SPICE1: variants seen among roughly 807,000 people sequenced by gnomAD.
The protein encoded by SPICE1 is spindle and centriole associated protein 1, also known as spindle and centriole-associated protein 1.
In SPICE1, 75 loss-of-function variants were observed where a neutral mutation model predicts 102.7. The ratio of observed to expected loss-of-function variants is 0.73; its 90% CI spans 0.61 to 0.88. SPICE1 has a LOEUF of 0.88. Among genes scored for constraint, SPICE1 ranks in the 40% least tolerant of loss-of-function variants. The probability of loss-of-function intolerance (pLI) is 0.00; values close to 1 mark genes in which losing one functional copy is unlikely to be tolerated. For synonymous variants in SPICE1, 308 were observed against 350.3 expected (o/e 0.88, Z 1.35); for missense variants, 979 against 1,020.1 (o/e 0.96, Z 0.55).
At chr3:113,477,680 G>T (rs1019674066) in intron 7 of SPICE1, among the ~76,000 whole-genome samples, 1 of 150,952 alleles carries the variant, frequency 6.6e-6, no homozygotes, top group Non-Finnish European at 1.5e-5. Flanking sequence ...GTAAACTATT[G>T]CAAGGACAAA....
intron 7 of SPICE1, among the ~76,000 whole-genome samples, chr3:113,482,755 T>C (rs1936542370): frequency 6.6e-6 from 1 of 152,220 alleles, no homozygotes; most frequent in Non-Finnish European, 1.5e-5. Flanking sequence ...TTCTGTTCCA[T>C]TGGTCTACAT....
At chr3:113,494,418 C>T (rs1037988977) in intron 4 of SPICE1, among the ~76,000 whole-genome samples, 2 of 152,020 alleles carry the variant, frequency 1.3e-5, no homozygotes, top group East Asian at 3.9e-4. Context: ...GAGGCCGAGG[C>T]GGGCGGATCA....
chr3:113,478,633 G>A (rs1200383645), intron 7 of SPICE1, among the ~76,000 whole-genome samples: 1 of 152,078 alleles, frequency 6.6e-6, no homozygotes, highest in Non-Finnish European at 1.5e-5. Flanking sequence ...AAAATGCAAA[G>A]AGAAATAGAA....
At chr3:113,465,810 C>T in intron 10 of SPICE1, 26 bp from the exon 11 acceptor site, 2 of 1,602,262 alleles carry the variant, frequency 1.2e-6, no homozygotes, top group Non-Finnish European at 1.7e-6. Flanking sequence ...AAATAAACTT[C>T]CACCAATAGC....
intron 3 of SPICE1, among the ~76,000 whole-genome samples, chr3:113,500,212 A>G (rs1285700957): frequency 1.3e-5 from 2 of 152,168 alleles, no homozygotes; most frequent in African/African-American, 2.4e-5. Context: ...TGGGTTCACT[A>G]AGGTTCACTA....
chr3:113,460,146 T>C, intron 12 of SPICE1: 1 of 985,464 alleles, frequency 1.0e-6, no homozygotes, highest in Non-Finnish European at 1.2e-6. Context: ...AATTTCAAAA[T>C]AACAACACTA....
Position 113,445,349 on chromosome 3 carries a change from C to G in SPICE1, c.2526G>C (p.Gln842His). Reference sequence around the variant, plus strand: ...AAAGAGCAAACCAGCCTTCTTCATTCTGTTTCTCAATCTGTTGAACAAAGA... The same window carrying G: ...AAAGAGCAAACCAGCCTTCTTCATTGTGTTTCTCAATCTGTTGAACAAAGA... ...PLNPRAKIEKQNEEGWFALST... is the reference protein window; with the variant it reads ...PLNPRAKIEKHNEEGWFALST... Residue 842 changes from glutamine (Q) to histidine (H), a missense_variant, in exon 18 of 18, where the codon CAG (glutamine) becomes CAC (histidine). Transcript: ENST00000295872. 1 of 1,612,652 alleles carries G rather than the reference C, an allele frequency of 6.2e-7. No individual in the cohort carries two copies.
intron 7 of SPICE1, among the ~76,000 whole-genome samples, chr3:113,485,000 G>C (rs1337797921): frequency 6.6e-6 from 1 of 151,946 alleles, no homozygotes; most frequent in Non-Finnish European, 1.5e-5. Flanking sequence ...ATCCAGGAGG[G>C]ACTGAGCCTG....
intron 7 of SPICE1, among the ~76,000 whole-genome samples, chr3:113,475,032 G>A (rs1226802958): frequency 6.6e-6 from 1 of 152,072 alleles, no homozygotes; most frequent in East Asian, 1.9e-4. Flanking sequence ...TTGATAGACT[G>A]CTAGCAAGAT....
chr3:113,472,220 G>C lies in SPICE1; in HGVS notation c.612-2982C>G, dbSNP rs185330394. On this transcript the variant is annotated intron_variant, in intron 7 of 17. Coordinates refer to ENST00000295872, the MANE Select transcript of SPICE1 (RefSeq NM_144718.4). Reference sequence around the variant, plus strand: ...TGAGATCAAACTGCAAGGCGGCAGTGAGGCTGGGGGAGGGGCACCCGCCAT... The same window carrying C: ...TGAGATCAAACTGCAAGGCGGCAGTCAGGCTGGGGGAGGGGCACCCGCCAT... 1.1e-3 allele frequency among the ~76,000 whole-genome samples: 174 copies of C among 152,364 alleles called. 1 individual carries two copies. Among genetic ancestry groups the C allele is most frequent in the African/African-American group, 3.2e-3 (132 of 41,590 alleles).
In SPICE1 at chr3:113,450,444, TAC is replaced by T. The variant is rs1559956159; in HGVS notation, c.2213_2214del (p.Ser738AsnfsTer37). The T allele has an allele frequency of 1.2e-6, 2 of 1,613,932 alleles. No homozygotes were observed. Among genetic ancestry groups the T allele is most frequent in the Non-Finnish European group, 1.7e-6 (2 of 1,180,020 alleles). ...TGCAGTAGTTTTCCACGAGCCTCCA[TAC>T]TTTGTCGATTCAATTCTGCAATCCG... The part of the protein sequence containing the change: ...EERIAELNRQ[S>X]MEARGKLLQL... On this transcript the variant is annotated frameshift_variant, in exon 15 of 18. Transcript: ENST00000295872. LOFTEE classifies it high-confidence loss of function.
Position 113,506,486 on chromosome 3 carries a change from T to C in SPICE1, c.99+21A>G, listed in dbSNP as rs188259136. 404 of 1,571,402 alleles carry C rather than the reference T, an allele frequency of 2.6e-4. 1 individual carries two copies. In the Admixed American group the frequency reaches 6.2e-3, roughly 24 times the overall value. ...TTCTCCAGAGTAATGTTACATTATT[T>C]ACTATCCCACCTATACTCACATCCC... is the stretch of plus-strand genomic sequence containing the variant. On this transcript the variant is annotated intron_variant, in intron 2 of 17. Transcript: ENST00000295872.
chr3:113,505,549 T>C (rs951491259), intron 2 of SPICE1, among the ~76,000 whole-genome samples: 3 of 152,124 alleles, frequency 2.0e-5, no homozygotes, highest in Non-Finnish European at 2.9e-5. Flanking sequence ...TAGTTACTCT[T>C]CACAATGGAA....
intron 4 of SPICE1, among the ~76,000 whole-genome samples, chr3:113,498,387 T>C (rs1489037542): frequency 6.6e-6 from 1 of 152,156 alleles, no homozygotes; most frequent in East Asian, 1.9e-4. Flanking sequence ...CAGGAACCAC[T>C]AGAGAAAGGA....
intron 17 of SPICE1, among the ~76,000 whole-genome samples, chr3:113,446,273 T>A (rs1292089947): frequency 1.3e-5 from 2 of 152,094 alleles, no homozygotes; most frequent in African/African-American, 2.4e-5. Flanking sequence ...GCTCAGTAGA[T>A]CTACAACCCA....
At chr3:113,512,446 G>C (rs1576654011) in intron 1 of SPICE1, among the ~76,000 whole-genome samples, 1 of 106,400 alleles carries the variant, frequency 9.4e-6, no homozygotes, top group African/African-American at 3.6e-5. Context: ...GTCTTGCTCT[G>C]TTACCAGGCT....
chr3:113,489,023 TTAACA>T lies in SPICE1; in HGVS notation c.528_532del (p.Val177Ter), dbSNP rs761683812. 4.3e-6 allele frequency: 7 copies of T among 1,613,570 alleles called. No homozygotes were observed. The Admixed American group carries it at 1.2e-4, about 27-fold the overall frequency. On this transcript the variant is annotated frameshift_variant, in exon 7 of 18. Coordinates refer to ENST00000295872, the MANE Select transcript of SPICE1 (RefSeq NM_144718.4). LOFTEE classifies it high-confidence loss of function. ...ATTCTCACTTTCTCCTGACTGGCTA[TTAACA>T]GTTCCTTCTTCTTCACCATCTACAT...
At chr3:113,476,252 G>C (rs1416454387) in intron 7 of SPICE1, among the ~76,000 whole-genome samples, 1 of 150,760 alleles carries the variant, frequency 6.6e-6, no homozygotes, top group Admixed American at 6.6e-5. Flanking sequence ...TCTTCAAGGA[G>C]AACTACAAAC....
At chr3:113,473,694 T>C (rs1163344871) in intron 7 of SPICE1, among the ~76,000 whole-genome samples, 1 of 151,316 alleles carries the variant, frequency 6.6e-6, no homozygotes, top group Admixed American at 6.6e-5. Flanking sequence ...CTAAGCTTCA[T>C]AAGTGAAGGA....
Sources: gnomAD v4.1 joint callset for allele counts (sites outside exome capture counted in the v4.1 genomes callset) on GRCh38, gnomAD v4.1.1 for gene constraint, MANE v1.5 for transcripts, NCBI Gene and HGNC (gene_info 2026-07-23, HGNC 2026-07-21) for gene names.